The following ATP2B2 variants were observed in gnomAD, a reference collection of about 807,000 sequenced individuals.
ATP2B2 encodes plasma membrane calcium-transporting ATPase 2.
A neutral mutation model predicts 120.0 loss-of-function variants in ATP2B2; 15 were observed. The ratio of observed to expected loss-of-function variants is 0.12; its 90% CI spans 0.08 to 0.19. The LOEUF (loss-of-function observed/expected upper bound fraction) is 0.19. ATP2B2 is among the 10% of genes least tolerant of loss of function. The pLI is 1.00. For synonymous variants in ATP2B2, 694 were observed against 700.3 expected, an observed-to-expected ratio of 0.99 and a Z score of 0.14; for missense variants, 1,045 against 1,719.8, an observed-to-expected ratio of 0.61 and a Z score of 6.94.
chr3:10,350,577 C>T lies in ATP2B2; in HGVS notation c.2137G>A (p.Val713Ile). ...VGIEDPVRPE[V>I]PEAIRKCQRA... ...TGGCACTTGCGGATGGCTTCTGGGACCTGGGCAGGAGGGCAGGGGCCATGG... is the reference window on the plus strand; with the variant it reads ...TGGCACTTGCGGATGGCTTCTGGGATCTGGGCAGGAGGGCAGGGGCCATGG... The change falls in exon 15 of 23, where the codon GTC (valine) becomes ATC (isoleucine). Residue 713 changes from valine to isoleucine, a missense_variant and splice_region_variant. By Grantham distance (29) the Val-to-Ile change is conservative. Coordinates refer to ENST00000360273, the MANE Select transcript of ATP2B2 (RefSeq NM_001001331.4). 1.2e-6 allele frequency: 2 copies of T among 1,612,064 alleles called. No homozygotes were observed.
At chr3:10,700,103 T>C (rs536071258) in intron 1 of ATP2B2, among the ~76,000 whole-genome samples, 3 of 152,308 alleles carry the variant, frequency 2.0e-5, no homozygotes, top group Admixed American at 6.5e-5. Flanking sequence ...CTGAAAGTCA[T>C]GTGAGACAGG....
At chr3:10,466,452 A>G (rs953150986) in intron 1 of ATP2B2, among the ~76,000 whole-genome samples, 1 of 152,022 alleles carries the variant, frequency 6.6e-6, no homozygotes, top group African/African-American at 2.4e-5. Flanking sequence ...TGTCTAGACT[A>G]TGTGTGTGTG....
intron 1 of ATP2B2, among the ~76,000 whole-genome samples, chr3:10,683,920 C>A (rs2071454454): frequency 6.6e-6 from 1 of 151,186 alleles, no homozygotes; most frequent in Non-Finnish European, 1.5e-5. Flanking sequence ...CCTCAGCCTC[C>A]CAAGTAAGTA....
chr3:10,575,111 C>G (rs2068214235), intron 2 of ATP2B2, among the ~76,000 whole-genome samples: 1 of 152,152 alleles, frequency 6.6e-6, no homozygotes, highest in African/African-American at 2.4e-5. Flanking sequence ...CACAATACAG[C>G]CTTTCCGCCC....
intron 2 of ATP2B2, among the ~76,000 whole-genome samples, chr3:10,577,740 C>T (rs566833366): frequency 2.3e-3 from 353 of 152,290 alleles, no homozygotes; most frequent in African/African-American, 7.9e-3. Context: ...TTCCCGGCAG[C>T]GTGACTCGGA....
chr3:10,409,302 T>C (rs1173536600), intron 3 of ATP2B2, among the ~76,000 whole-genome samples: 2 of 152,250 alleles, frequency 1.3e-5, no homozygotes, highest in African/African-American at 4.8e-5. Context: ...CCTAAATATT[T>C]TTCCTCCTTG....
intron 1 of ATP2B2, among the ~76,000 whole-genome samples, chr3:10,701,257 C>T (rs1212133158): frequency 3.3e-5 from 5 of 152,242 alleles, no homozygotes; most frequent in Non-Finnish European, 7.3e-5. Context: ...ATACCAGTCT[C>T]ATATACGAAG....
chr3:10,366,389 T>C lies in ATP2B2; in HGVS notation c.1659+5420A>G, dbSNP rs74839935. ...ATGGGGTGTACTGGGGACCTGGGGC[T>C]TCACCAGGCGAAGCTTGGCTTATCT... On this transcript the variant is annotated intron_variant, in intron 12 of 22. Transcript: ENST00000360273. 6.0e-3 allele frequency among the ~76,000 whole-genome samples: 907 copies of C among 152,298 alleles called. 6 individuals are homozygous for C. Among genetic ancestry groups the C allele is most frequent in the African/African-American group, 0.021 (867 of 41,554 alleles).
At chr3:10,397,184 C>G (rs2062065940) in intron 5 of ATP2B2, among the ~76,000 whole-genome samples, 1 of 152,224 alleles carries the variant, frequency 6.6e-6, no homozygotes, top group Non-Finnish European at 1.5e-5. Flanking sequence ...AGCCTAAGGT[C>G]TGCAGGGCCC....
chr3:10,602,968 C>T (rs2068964008), intron 2 of ATP2B2, among the ~76,000 whole-genome samples: 1 of 152,192 alleles, frequency 6.6e-6, no homozygotes, highest in South Asian at 2.1e-4. Context: ...TTCTCAGCAC[C>T]CTCTCTTTCA....
intron 1 of ATP2B2, among the ~76,000 whole-genome samples, chr3:10,504,564 C>G (rs1431954535): frequency 6.6e-6 from 1 of 150,702 alleles, no homozygotes; most frequent in African/African-American, 2.4e-5. Flanking sequence ...TCCAGAGCAC[C>G]CCCCCAACCC....
At chr3:10,627,451 G>C (rs1279382985) in intron 1 of ATP2B2, among the ~76,000 whole-genome samples, 1 of 152,212 alleles carries the variant, frequency 6.6e-6, no homozygotes, top group Non-Finnish European at 1.5e-5. Context: ...GGACAGGGCA[G>C]GGGCAGGAGG....
At chr3:10,665,418 C>T (rs1401169601) in intron 1 of ATP2B2, among the ~76,000 whole-genome samples, 1 of 152,168 alleles carries the variant, frequency 6.6e-6, no homozygotes, top group Non-Finnish European at 1.5e-5. Flanking sequence ...CCCTTACTAA[C>T]CTCCCACAGC....
chr3:10,466,850 C>T (rs1167669119), intron 1 of ATP2B2, among the ~76,000 whole-genome samples: 2 of 152,236 alleles, frequency 1.3e-5, no homozygotes, highest in Non-Finnish European at 2.9e-5. Flanking sequence ...TATCAGGGGC[C>T]TGCATTGCAT....
intron 3 of ATP2B2, among the ~76,000 whole-genome samples, chr3:10,531,404 T>G (rs1221046574): frequency 1.3e-5 from 2 of 152,232 alleles, no homozygotes; most frequent in Non-Finnish European, 2.9e-5. Flanking sequence ...ACTACCTGGG[T>G]TCAAATCCCA....
rs763903500 is a variant in ATP2B2 at position 10,546,026 on chromosome 3, C to T, written c.-414-11893G>A. Among the ~76,000 whole-genome samples, 61 of 152,184 alleles carry T rather than the reference C, an allele frequency of 4.0e-4. 1 individual carries two copies. The highest frequency in any genetic ancestry group is 8.8e-5 in the Non-Finnish European group (6 of 68,030). On this transcript the variant is annotated intron_variant, in intron 2 of 21. Transcript: ENST00000646379. ...GAAAGATACAGTATTCCCCAAATGT[C>T]AATGTTGGTGGGGTTAGGATGTTTG...
At position 10,687,396 on chromosome 3, in the gene ATP2B2, A is replaced by G. The variant is rs542832290; in HGVS notation, c.-460+20519T>C. 3.9e-5 allele frequency among the ~76,000 whole-genome samples: 6 copies of G among 152,214 alleles called. No individual in the cohort carries two copies. The South Asian group carries it at 1.2e-3, about 32-fold the overall frequency. ...GGCTAAGGAATGTTTTTGATGCTTGATTTTCAAAATGAATCAAATGTAAGC... is the reference window on the plus strand; with the variant it reads ...GGCTAAGGAATGTTTTTGATGCTTGGTTTTCAAAATGAATCAAATGTAAGC... On this transcript the variant is annotated intron_variant, in intron 1 of 21. Transcript: ENST00000646379.
intron 2 of ATP2B2, among the ~76,000 whole-genome samples, chr3:10,611,127 C>T (rs1273720111): frequency 6.6e-6 from 1 of 152,208 alleles, no homozygotes; most frequent in Non-Finnish European, 1.5e-5. Context: ...CAGGAGGCAC[C>T]GTCTGCCTGT....
At chr3:10,584,633 C>T (rs1436643712) in intron 2 of ATP2B2, among the ~76,000 whole-genome samples, 1 of 152,168 alleles carries the variant, frequency 6.6e-6, no homozygotes, top group Non-Finnish European at 1.5e-5. Flanking sequence ...AATATCCTCC[C>T]AGCCACTGCT....
Sources: allele counts gnomAD v4.1 joint callset (sites outside exome capture counted in the v4.1 genomes callset), GRCh38; gene constraint gnomAD v4.1.1; transcripts MANE v1.5; gene names NCBI Gene and HGNC (gene_info 2026-07-23, HGNC 2026-07-21).